PHIP: variants seen among roughly 807,000 people sequenced by gnomAD.
PHIP encodes PHIP subunit of CUL4-Ring ligase complex.
In PHIP, 54 loss-of-function variants were observed where a neutral mutation model predicts 236.8. That is an observed-to-expected ratio of 0.23 (90% CI 0.18 to 0.29). PHIP has a LOEUF of 0.29. Ranked by LOEUF, PHIP falls within the 10% of genes least tolerant of loss-of-function variation. The pLI is 1.00. For synonymous variants in PHIP, 756 were observed against 718.9 expected (o/e 1.05, Z -0.83); for missense variants, 1,370 against 2,190.8 (o/e 0.63, Z 7.48).
chr6:78,983,467 T>C (rs539437955), intron 22 of PHIP, among the ~76,000 whole-genome samples: 2 of 152,286 alleles, frequency 1.3e-5, no homozygotes, highest in South Asian at 4.1e-4. Context: ...GGGTCACTTT[T>C]CTCAGTTCTA....
chr6:78,982,075 G>A (rs1370636808), intron 23 of PHIP, among the ~76,000 whole-genome samples: 1 of 151,884 alleles, frequency 6.6e-6, no homozygotes, highest in Non-Finnish European at 1.5e-5. Flanking sequence ...TTCTACAAAC[G>A]ACAATTTATA....
Position 78,978,030 on chromosome 6 carries a change from T to C in PHIP, c.2889+562A>G, listed in dbSNP as rs536829004. Among the ~76,000 whole-genome samples, 118 of 152,218 alleles carry C rather than the reference T, an allele frequency of 7.8e-4. 1 individual carries two copies. The highest frequency in any genetic ancestry group is 1.4e-3 in the South Asian group (7 of 4,830). ...AAAACAAGGAGACATTAACCTTGAG[T>C]AAAAAATGTTGAGACCAGTTCTTAC... On this transcript the variant is annotated intron_variant, in intron 24 of 39. Transcript: ENST00000275034.
At chr6:78,944,199 A>G (rs1773676574) in intron 39 of PHIP, among the ~76,000 whole-genome samples, 1 of 152,086 alleles carries the variant, frequency 6.6e-6, no homozygotes, top group African/African-American at 2.4e-5. Context: ...TACAAAAGAG[A>G]GAAAGAAGGT....
At chr6:79,015,579 T>C in intron 14 of PHIP, 51 bp downstream of exon 14, 3 of 1,335,854 alleles carry the variant, frequency 2.2e-6, no homozygotes, top group Non-Finnish European at 2.1e-6. Flanking sequence ...GAATGTTTCA[T>C]TCTATAGTCA....
chr6:78,947,677 A>G lies in PHIP; in HGVS notation c.4152T>C (p.Asp1384=). ...NYESPMELCK[D]VRLIFSNSKA... is the part of the protein sequence containing the mutation. ...TGGAATTACTGAAAATAAGTCTGAC[A>G]TCTTTACATAACTCCATTGGTGACT... The change falls in exon 36 of 40, where the codon GAT becomes GAC. Residue 1384 remains aspartate (D), a synonymous_variant. Coordinates refer to ENST00000275034, the MANE Select transcript of PHIP (RefSeq NM_017934.7). 2.0e-6 allele frequency: 3 copies of G among 1,530,958 alleles called. No homozygotes were observed. Among genetic ancestry groups the G allele is most frequent in the Non-Finnish European group, 2.7e-6 (3 of 1,104,790 alleles). 94.8% of individuals were successfully genotyped at this position (1,530,958 alleles called of 1,614,324 possible). A position where few individuals can be genotyped will look rare whatever the true frequency, so the allele number is the denominator to read the frequency against.
At chr6:78,946,593 T>C in intron 37 of PHIP, 118 bp downstream of exon 37, 2 of 1,423,756 alleles carry the variant, frequency 1.4e-6, no homozygotes, top group East Asian at 2.6e-5. Context: ...GGAACTTGCA[T>C]GTCAAATTAT....
Position 78,946,856 on chromosome 6 carries a change from G to A in PHIP, c.4225C>T (p.Arg1409Cys), listed in dbSNP as rs1281832622. Residue 1409 changes from arginine (R) to cysteine (C), a missense_variant, in exon 37 of 40, where the codon CGC (arginine) becomes TGC (cysteine). By Grantham distance (180) the Arg-to-Cys change is radical. This residue lies in a region of PHIP where 125 missense variants were observed against 235.1 expected (regional missense o/e 0.53). Transcript: ENST00000275034. ...TGTTCTTCAAAGAAAGCAGACAGGCGCAAACTCATGCTGTAAATCTGTGAG... is the reference window on the plus strand; with the variant it reads ...TGTTCTTCAAAGAAAGCAGACAGGCACAAACTCATGCTGTAAATCTGTGAG... ...KRSRIYSMSL[R>C]LSAFFEEHIS... 2 of 1,566,254 alleles carry A rather than the reference G, an allele frequency of 1.3e-6. No homozygotes were observed. Among genetic ancestry groups the A allele is most frequent in the Non-Finnish European group, 1.7e-6 (2 of 1,161,952 alleles).
At chr6:78,997,876 A>G (rs1222568780) in intron 18 of PHIP, among the ~76,000 whole-genome samples, 2 of 152,222 alleles carry the variant, frequency 1.3e-5, no homozygotes, top group African/African-American at 2.4e-5. Flanking sequence ...AGTATTTTTG[A>G]GAAAACTTCA....
At chr6:78,982,844 T>C in intron 23 of PHIP, 42 bp downstream of exon 23, 1 of 1,206,320 alleles carries the variant, frequency 8.3e-7, no homozygotes, top group Non-Finnish European at 1.2e-6. Context: ...CTTTAAACTG[T>C]TTCTCTAGAA....
chr6:78,988,419 A>C, intron 20 of PHIP, 70 bp from the exon 21 acceptor site: 1 of 1,199,316 alleles, frequency 8.3e-7, no homozygotes, highest in Non-Finnish European at 1.1e-6. Context: ...AAAAGTTAAA[A>C]TTTTTTAATT....
In PHIP at chr6:78,946,216, T is replaced by A; in HGVS notation, c.4415A>T (p.Glu1472Val). Residue 1472 changes from glutamate to valine, a missense_variant, in exon 38 of 40, where the codon GAA becomes GTA. This residue lies in a region of PHIP where 125 missense variants were observed against 235.1 expected (regional missense o/e 0.53). Coordinates refer to ENST00000275034, the MANE Select transcript of PHIP (RefSeq NM_017934.7). ...TGTAGAGAATGCAGAGGTAGAGCTT[T>A]CTGATTTTAGCTGGGGTTTTAAGAT... Reference protein sequence around the residue: ...KRILKPQLKSESSTSAFSTPT... With the variant: ...KRILKPQLKSVSSTSAFSTPT... The A allele has an allele frequency of 6.2e-7, 1 of 1,613,672 alleles. No individual in the cohort carries two copies. Among genetic ancestry groups the A allele is most frequent in the Non-Finnish European group, 8.5e-7 (1 of 1,179,610 alleles).
intron 10 of PHIP, 34 bp downstream of exon 10, chr6:79,019,055 C>T: frequency 1.3e-6 from 2 of 1,498,026 alleles, no homozygotes; most frequent in Non-Finnish European, 1.9e-6. Flanking sequence ...AAATGAACAA[C>T]TTTAAGTCGA....
chr6:79,002,168 T>G (rs933941624), intron 16 of PHIP, 44 bp from the exon 17 acceptor site: 1 of 1,363,678 alleles, frequency 7.3e-7, no homozygotes, highest in African/African-American at 1.5e-5. Context: ...AATAAAAATG[T>G]ATCATTGTAG....
At chr6:79,045,343 C>A (rs35594811) in intron 6 of PHIP, among the ~76,000 whole-genome samples, 16 of 152,168 alleles carry the variant, frequency 1.1e-4, no homozygotes, top group Non-Finnish European at 2.2e-4. Flanking sequence ...AAGGCTTGAC[C>A]ATATCAAATA....
intron 6 of PHIP, among the ~76,000 whole-genome samples, chr6:79,047,083 T>C (rs1198478172): frequency 6.6e-6 from 1 of 152,146 alleles, no homozygotes; most frequent in African/African-American, 2.4e-5. Flanking sequence ...GAAATCACTG[T>C]TATCCATTTG....
At chr6:79,033,234 C>A (rs1215459403) in intron 7 of PHIP, among the ~76,000 whole-genome samples, 1 of 152,168 alleles carries the variant, frequency 6.6e-6, no homozygotes, top group Non-Finnish European at 1.5e-5. Context: ...TAAATGGACA[C>A]TGGTTTCAAC....
At chr6:79,033,680 C>T (rs992149343) in intron 7 of PHIP, among the ~76,000 whole-genome samples, 5 of 152,168 alleles carry the variant, frequency 3.3e-5, no homozygotes, top group Non-Finnish European at 5.9e-5. Context: ...ACCACTTAAA[C>T]TTTCTCTATA....
At chr6:79,004,627 A>G (rs924158024) in intron 15 of PHIP, among the ~76,000 whole-genome samples, 2 of 152,110 alleles carry the variant, frequency 1.3e-5, no homozygotes, top group Non-Finnish European at 2.9e-5. Context: ...CCTAACAAAT[A>G]ACAACTAAGG....
intron 7 of PHIP, among the ~76,000 whole-genome samples, chr6:79,039,889 C>T (rs1356474461): frequency 1.3e-5 from 2 of 152,074 alleles, no homozygotes; most frequent in African/African-American, 2.4e-5. Flanking sequence ...CTATTTCCCT[C>T]CTTGGGTTTT....
Sources: allele counts gnomAD v4.1 joint callset (sites outside exome capture counted in the v4.1 genomes callset), GRCh38; gene constraint gnomAD v4.1.1; regional missense constraint gnomAD v4.1.1; transcripts MANE v1.5; gene names NCBI Gene and HGNC (gene_info 2026-07-23, HGNC 2026-07-21).